Variants in ZNF605 observed in about 807,000 individuals in gnomAD.
ZNF605 encodes zinc finger protein 605.
Under a neutral mutation model 7.9 loss-of-function variants are expected in ZNF605, and 9 were observed. That is an observed-to-expected ratio of 1.14 (90% confidence interval 0.68 to 1.98). The LOEUF is 1.98. Ranked by LOEUF, ZNF605 falls within the 30% of genes most tolerant of loss-of-function variation. The pLI is 0.00. For synonymous variants in ZNF605, 255 were observed against 260.1 expected, an observed-to-expected ratio of 0.98 and a Z score of 0.19; for missense variants, 673 against 762.4, an observed-to-expected ratio of 0.88 and a Z score of 1.38.
chr12:132,931,159 G>T (rs1419402393), intron 4 of ZNF605, among the ~76,000 whole-genome samples: 1 of 152,206 alleles, frequency 6.6e-6, no homozygotes, highest in Non-Finnish European at 1.5e-5. Flanking sequence ...CAACCTGCGT[G>T]ACAAAGTGAG....
chr12:132,931,631 T>C (rs991201363), intron 4 of ZNF605, among the ~76,000 whole-genome samples: 1 of 152,124 alleles, frequency 6.6e-6, no homozygotes, highest in African/African-American at 2.4e-5. Context: ...ATAATGACTC[T>C]TGAGCACAAA....
chr12:132,935,825 G>A (rs200749015), intron 3 of ZNF605, among the ~76,000 whole-genome samples: 16,817 of 144,796 alleles, frequency 0.12, 1,299 homozygotes, highest in Non-Finnish European at 0.17. Context: ...CCCGGGAGGC[G>A]GAGGTTGCAA....
chr12:132,942,888 C>T (rs1052731111), intron 3 of ZNF605, among the ~76,000 whole-genome samples: 1 of 152,154 alleles, frequency 6.6e-6, no homozygotes, highest in African/African-American at 2.4e-5. Flanking sequence ...CCTCCGGGCC[C>T]GACCATCCTG....
intron 3 of ZNF605, chr12:132,945,131 T>G: frequency 7.6e-6 from 3 of 394,204 alleles, no homozygotes; most frequent in East Asian, 5.4e-5. Context: ...GGGAGGCTAA[T>G]TTTTGTATTT....
intron 3 of ZNF605, among the ~76,000 whole-genome samples, chr12:132,937,516 GACAC>G (rs151320663): frequency 1.3e-5 from 2 of 148,430 alleles, no homozygotes; most frequent in South Asian, 2.1e-4. Context: ...CACACACACA[GACAC>G]ACACACACAC....
At chr12:132,929,454 C>T (rs1020692232) in intron 4 of ZNF605, among the ~76,000 whole-genome samples, 11 of 152,014 alleles carry the variant, frequency 7.2e-5, no homozygotes, top group African/African-American at 2.4e-4. Flanking sequence ...CTCAGTGTTT[C>T]GGGCATAAAC....
chr12:132,945,807 C>A lies in ZNF605; in HGVS notation c.-162-10G>T. On this transcript the variant is annotated splice_polypyrimidine_tract_variant and intron_variant, in intron 2 of 4. Coordinates refer to ENST00000360187, the MANE Select transcript of ZNF605 (RefSeq NM_183238.4). ...TCCAGAGGGCTATTGCCTGTGGATGCAGTGGACATTTTATTTTAGATGATC... is the reference window on the plus strand; with the variant it reads ...TCCAGAGGGCTATTGCCTGTGGATGAAGTGGACATTTTATTTTAGATGATC... 2.3e-6 allele frequency: 2 copies of A among 871,498 alleles called. No individual in the cohort carries two copies. The highest frequency in any genetic ancestry group is 2.4e-5 in the East Asian group (1 of 41,202). The allele number at this position is 871,498 out of a possible 1,614,324, so 54.0% of individuals were successfully genotyped here.
rs924931729 is a variant in ZNF605, at chr12:132,922,936, A to G, written c.*2437T>C. The G allele has an allele frequency of 5.3e-5, 8 of 152,376 alleles. No individual in the cohort carries two copies. The highest frequency in any genetic ancestry group is 1.9e-4 in the African/African-American group (8 of 41,474). The allele number at this position is 152,376 out of a possible 1,614,324, so 9.4% of individuals were successfully genotyped here. ...GAAGAAACCCCAGTCTCTAGAAGACAGCCTCAGGGGGGAGCAGAGCAGAAA... is the reference window on the plus strand; with the variant it reads ...GAAGAAACCCCAGTCTCTAGAAGACGGCCTCAGGGGGGAGCAGAGCAGAAA... On this transcript the variant is annotated 3_prime_UTR_variant, in exon 5 of 5. Transcript: ENST00000360187.
chr12:132,939,854 G>A (rs376610672), intron 3 of ZNF605, among the ~76,000 whole-genome samples: 3,691 of 148,528 alleles, frequency 0.025, 164 homozygotes, highest in African/African-American at 0.086. Flanking sequence ...CTGAGCCAGC[G>A]AGACCACGAG....
intron 3 of ZNF605, among the ~76,000 whole-genome samples, chr12:132,937,613 G>A (rs910022624): frequency 2.0e-5 from 3 of 152,110 alleles, no homozygotes; most frequent in Non-Finnish European, 4.4e-5. Context: ...ATGTACAGCA[G>A]CTTTTGAAAA....
chr12:132,930,905 G>A (rs1952302038), intron 4 of ZNF605, among the ~76,000 whole-genome samples: 1 of 152,178 alleles, frequency 6.6e-6, no homozygotes, highest in Non-Finnish European at 1.5e-5. Context: ...TTTCCCTGCT[G>A]TGCATTATGG....
rs1952438526 is a variant in ZNF605 at position 132,941,311 on chromosome 12, ACT to A, written c.15+4308_15+4309del. ...GGGAAACAGCTGTCCTGCTTTCCAG[ACT>A]CTGGTCAAGGCTAGCAGCGCCCAAA... On this transcript the variant is annotated intron_variant, in intron 3 of 4. Transcript: ENST00000360187. The surrounding 1 kb of genome is among the most constrained non-coding windows in gnomAD (Gnocchi z 5.1). Among the ~76,000 whole-genome samples, 1 of 151,962 alleles carries A rather than the reference ACT, an allele frequency of 6.6e-6. No individual in the cohort carries two copies. Among genetic ancestry groups the A allele is most frequent in the Non-Finnish European group, 1.5e-5 (1 of 67,994 alleles).
At chr12:132,938,988 C>T (rs1235535341) in intron 3 of ZNF605, among the ~76,000 whole-genome samples, 5 of 151,694 alleles carry the variant, frequency 3.3e-5, no homozygotes, top group Admixed American at 2.0e-4. Flanking sequence ...GCTGCCTCCC[C>T]GCGGGGCAGG....
Position 132,918,477 on chromosome 12 carries a change from AATG to A in ZNF605, c.*6893_*6895del, listed in dbSNP as rs1462080517. On this transcript the variant is annotated 3_prime_UTR_variant, in exon 5 of 5. Coordinates refer to ENST00000360187, the MANE Select transcript of ZNF605 (RefSeq NM_183238.4). ...TCTGACCTCGCACAGCTGCCCATGC[AATG>A]ATGAGTGGATCAAACACTACGGCTT... 2.0e-5 allele frequency: 3 copies of A among 152,270 alleles called. No homozygotes were observed. The highest frequency in any genetic ancestry group is 4.4e-5 in the Non-Finnish European group (3 of 68,050). The allele number at this position is 152,270 out of a possible 1,614,324, so 9.4% of individuals were successfully genotyped here.
At chr12:132,948,481 G>A (rs1952518780) in intron 1 of ZNF605, 1 of 152,266 alleles carries the variant, frequency 6.6e-6, no homozygotes, top group African/African-American at 2.4e-5. Flanking sequence ...CACGGCAAGG[G>A]CCCCACAGGC....
At chr12:132,930,758 G>A (rs900815360) in intron 4 of ZNF605, among the ~76,000 whole-genome samples, 2 of 152,062 alleles carry the variant, frequency 1.3e-5, no homozygotes, top group African/African-American at 2.4e-5. Flanking sequence ...AAATTAATAG[G>A]GGAATATAAC....
chr12:132,947,019 G>T (rs1477462788), intron 2 of ZNF605, among the ~76,000 whole-genome samples: 3 of 150,176 alleles, frequency 2.0e-5, no homozygotes, highest in Non-Finnish European at 3.0e-5. Context: ...TTTTTTTTTG[G>T]TTTTTTTTTT....
chr12:132,950,535 ACACT>A (rs1169699387), intron 1 of ZNF605, among the ~76,000 whole-genome samples: 59 of 151,750 alleles, frequency 3.9e-4, no homozygotes, highest in Non-Finnish European at 7.4e-4. Context: ...AGACGCACAC[ACACT>A]CAGACACACT....
At chr12:132,945,266 G>T in intron 3 of ZNF605, 2 of 749,672 alleles carry the variant, frequency 2.7e-6, no homozygotes, top group Non-Finnish European at 4.5e-6. Flanking sequence ...GCCCAGCTGA[G>T]ACTTTTGTAT....
Sources: gnomAD v4.1 joint callset for allele counts (sites outside exome capture counted in the v4.1 genomes callset) on GRCh38, gnomAD v4.1.1 for gene constraint, Gnocchi (gnomAD v3.1) non-coding constraint, MANE v1.5 for transcripts, NCBI Gene and HGNC (gene_info 2026-07-23, HGNC 2026-07-21) for gene names.